Variants in TMEM135 observed in about 807,000 individuals in gnomAD.
TMEM135 encodes the protein peroxisomal membrane protein 52.
A neutral mutation model predicts 60.3 loss-of-function variants in TMEM135; 30 were observed. The observed-to-expected ratio is 0.50, with a 90% confidence interval of 0.37 to 0.68. The LOEUF (loss-of-function observed/expected upper bound fraction) is 0.68, where lower values mean the gene tolerates loss of function less well. Among genes scored for constraint, TMEM135 ranks in the 30% least tolerant of loss-of-function variants. The pLI, the probability that TMEM135 is intolerant of heterozygous loss-of-function variation, is 0.00. For synonymous variants in TMEM135, 190 were observed against 186.7 expected (o/e 1.02, Z -0.14); for missense variants, 468 against 548.8 (o/e 0.85, Z 1.47).
intron 9 of TMEM135, among the ~76,000 whole-genome samples, chr11:87,307,150 C>T (rs981838943): frequency 9.9e-5 from 15 of 152,026 alleles, no homozygotes; most frequent in Admixed American, 3.9e-4. Flanking sequence ...AAAGACAGCC[C>T]CTTGGTGGTT....
At position 87,188,158 on chromosome 11, in the gene TMEM135, G is replaced by A. The variant is rs574518631; in HGVS notation, c.462+30752G>A. On this transcript the variant is annotated intron_variant, in intron 5 of 14. Coordinates refer to ENST00000305494, the MANE Select transcript of TMEM135 (RefSeq NM_022918.4). ...TGGTGTTCTTATGCTTGATTCTTTAGAGTGTTGTAGAGGAAGCCAGTGTAG... is the reference window on the plus strand; with the variant it reads ...TGGTGTTCTTATGCTTGATTCTTTAAAGTGTTGTAGAGGAAGCCAGTGTAG... Among the ~76,000 whole-genome samples the A allele has an allele frequency of 1.5e-3, 220 of 151,696 alleles. 3 individuals are homozygous for A. Among genetic ancestry groups the A allele is most frequent in the African/African-American group, 5.1e-3 (209 of 41,242 alleles).
intron 4 of TMEM135, among the ~76,000 whole-genome samples, chr11:87,131,655 T>G (rs1205449299): frequency 6.6e-6 from 1 of 152,192 alleles, no homozygotes; most frequent in Non-Finnish European, 1.5e-5. Flanking sequence ...TGATCCTGAG[T>G]TTGCCACATA....
chr11:87,260,363 T>C (rs1219884818), intron 6 of TMEM135, among the ~76,000 whole-genome samples: 2 of 152,184 alleles, frequency 1.3e-5, no homozygotes, highest in Admixed American at 6.5e-5. Flanking sequence ...GGGATTCTTA[T>C]GAAAGATAAG....
intron 3 of TMEM135, among the ~76,000 whole-genome samples, chr11:87,087,898 A>G (rs2513221): frequency 0.55 from 82,715 of 151,492 alleles, 23,332 homozygotes; most frequent in East Asian, 0.7. Flanking sequence ...CACCACGCCC[A>G]GCTAATTTTT....
intron 4 of TMEM135, chr11:87,095,473 A>T (rs1024946804): frequency 5.0e-6 from 1 of 199,986 alleles, no homozygotes; most frequent in African/African-American, 2.3e-5. Context: ...TGGAATGACT[A>T]TAGTTGAGCT....
At chr11:87,150,776 G>A (rs546325265) in intron 4 of TMEM135, among the ~76,000 whole-genome samples, 78 of 152,090 alleles carry the variant, frequency 5.1e-4, no homozygotes, top group African/African-American at 1.8e-3. Flanking sequence ...ATTTGTTTAA[G>A]TTTGTTATCT....
chr11:87,087,913 T>C (rs1049104052), intron 3 of TMEM135, among the ~76,000 whole-genome samples: 2 of 152,098 alleles, frequency 1.3e-5, no homozygotes, highest in Non-Finnish European at 2.9e-5. Context: ...ATTTTTTGTA[T>C]TTTTAGTAGA....
chr11:87,056,715 C>T (rs1279920702), intron 1 of TMEM135, among the ~76,000 whole-genome samples: 1 of 152,072 alleles, frequency 6.6e-6, no homozygotes, highest in Admixed American at 6.6e-5. Flanking sequence ...GTGATTTCTT[C>T]TCTTTCTCAA....
chr11:87,202,439 C>A (rs551915804), intron 5 of TMEM135, among the ~76,000 whole-genome samples: 1 of 152,150 alleles, frequency 6.6e-6, no homozygotes, highest in Non-Finnish European at 1.5e-5. Flanking sequence ...TATCCTCCCA[C>A]CTCAGCCTCC....
intron 1 of TMEM135, among the ~76,000 whole-genome samples, chr11:87,045,838 T>G (rs1226688096): frequency 6.6e-6 from 1 of 152,244 alleles, no homozygotes; most frequent in Admixed American, 6.5e-5. Flanking sequence ...TTTAGTAATA[T>G]CTGAACCTAG....
At chr11:87,228,182 C>T (rs934684514) in intron 5 of TMEM135, among the ~76,000 whole-genome samples, 2 of 152,106 alleles carry the variant, frequency 1.3e-5, no homozygotes, top group Admixed American at 6.6e-5. Context: ...AAACTATGTT[C>T]TTCAGGGCAA....
At chr11:87,125,370 A>G (rs114450334) in intron 4 of TMEM135, among the ~76,000 whole-genome samples, 5,183 of 152,200 alleles carry the variant, frequency 0.034, 262 homozygotes, top group African/African-American at 0.12. Context: ...GGGGGAGTAG[A>G]GGTGCTTTTG....
chr11:87,110,437 G>A (rs1857712417), intron 4 of TMEM135, among the ~76,000 whole-genome samples: 1 of 151,002 alleles, frequency 6.6e-6, no homozygotes, highest in South Asian at 2.1e-4. Context: ...CCTGGGCACA[G>A]AGTGAGAACC....
chr11:87,224,499 ATTTT>A (rs951467179), intron 5 of TMEM135, among the ~76,000 whole-genome samples: 32 of 152,106 alleles, frequency 2.1e-4, no homozygotes, highest in African/African-American at 7.5e-4. Context: ...TTATTTATTT[ATTTT>A]TTTAATGTCT....
At chr11:87,167,891 C>A (rs962685417) in intron 5 of TMEM135, among the ~76,000 whole-genome samples, 1 of 152,132 alleles carries the variant, frequency 6.6e-6, no homozygotes, top group South Asian at 2.1e-4. Context: ...ATAGTACGAG[C>A]TCCTCTTTGT....
chr11:87,254,318 T>TA (rs909357887), intron 6 of TMEM135, among the ~76,000 whole-genome samples: 27 of 152,160 alleles, frequency 1.8e-4, no homozygotes, highest in African/African-American at 6.5e-4. Context: ...TTGACTTAAT[T>TA]AAAAAACATA....
chr11:87,114,231 C>T (rs1857821925), intron 4 of TMEM135, among the ~76,000 whole-genome samples: 1 of 151,998 alleles, frequency 6.6e-6, no homozygotes, highest in African/African-American at 2.4e-5. Flanking sequence ...AACAGTGAAA[C>T]CAACTCAAGA....
chr11:87,275,138 G>C (rs896501425), intron 6 of TMEM135, among the ~76,000 whole-genome samples: 4 of 151,764 alleles, frequency 2.6e-5, no homozygotes, highest in Non-Finnish European at 5.9e-5. Flanking sequence ...TATGACATTT[G>C]GCAATTTTAT....
At chr11:87,162,812 G>A (rs552465911) in intron 5 of TMEM135, among the ~76,000 whole-genome samples, 1 of 152,204 alleles carries the variant, frequency 6.6e-6, no homozygotes, top group African/African-American at 2.4e-5. Flanking sequence ...TTCCACAATG[G>A]TTGAACTAAT....
Sources: allele counts gnomAD v4.1 joint callset (sites outside exome capture counted in the v4.1 genomes callset), GRCh38; gene constraint gnomAD v4.1.1; transcripts MANE v1.5; gene names NCBI Gene and HGNC (gene_info 2026-07-23, HGNC 2026-07-21).